Variants in DESI2 observed in about 807,000 individuals in gnomAD.
DESI2 encodes the protein desumoylating isopeptidase 2.
In DESI2, 10 loss-of-function variants were observed where a neutral mutation model predicts 24.1. That is an observed-to-expected ratio of 0.41 (90% confidence interval 0.26 to 0.70). DESI2 has a LOEUF of 0.70. DESI2 is among the 30% of genes least tolerant of loss of function. The pLI is 0.29. For synonymous variants in DESI2, 71 were observed against 87.7 expected (o/e 0.81, Z 1.06); for missense variants, 122 against 234.9 (o/e 0.52, Z 3.14).
chr1:244,692,684 C>T (rs1677072941), intron 4 of DESI2, among the ~76,000 whole-genome samples: 1 of 152,194 alleles, frequency 6.6e-6, no homozygotes, highest in Non-Finnish European at 1.5e-5. Context: ...GCTGCTGCTT[C>T]AGTGGCCTCC....
In DESI2 at chr1:244,653,282, T is replaced by C; in HGVS notation, c.-32T>C. The C allele has an allele frequency of 2.0e-6, 3 of 1,484,936 alleles. No individual in the cohort carries two copies. The highest frequency in any genetic ancestry group is 1.4e-5 in the South Asian group (1 of 73,042). 92.0% of individuals were successfully genotyped at this position (1,484,936 alleles called of 1,614,324 possible). A position where few individuals can be genotyped will look rare whatever the true frequency, so the allele number is the denominator to read the frequency against. On this transcript the variant is annotated 5_prime_UTR_variant, in exon 1 of 5. Transcript: ENST00000302550. The stretch of plus-strand genomic sequence containing the variant: ...TCCGGCCCCGCGGAGACGGAGCGGC[T>C]TGAGGACGAGGCGGCGGCCGCGGGG...
At chr1:244,693,541 C>G (rs906073717) in intron 4 of DESI2, among the ~76,000 whole-genome samples, 1 of 152,128 alleles carries the variant, frequency 6.6e-6, no homozygotes, top group African/African-American at 2.4e-5. Flanking sequence ...AAGCGATTCT[C>G]CTGCCTCAGC....
chr1:244,666,666 TG>T (rs1181826686), intron 1 of DESI2, among the ~76,000 whole-genome samples: 1 of 152,218 alleles, frequency 6.6e-6, no homozygotes, highest in Non-Finnish European at 1.5e-5. Flanking sequence ...CTTTTATCTG[TG>T]GGTATCAAAC....
intron 4 of DESI2, among the ~76,000 whole-genome samples, chr1:244,702,516 AAAAT>A (rs373155154): frequency 0.017 from 2,538 of 152,176 alleles, 24 homozygotes; most frequent in African/African-American, 0.022. Flanking sequence ...TCCATCTCAA[AAAAT>A]AAATAAATAA....
chr1:244,696,956 A>G (rs531945908), intron 4 of DESI2, among the ~76,000 whole-genome samples: 8 of 152,288 alleles, frequency 5.3e-5, no homozygotes, highest in South Asian at 4.1e-4. Context: ...CCTGGTAGAC[A>G]TTTCATATAT....
chr1:244,672,146 C>T (rs1676268945), intron 1 of DESI2, among the ~76,000 whole-genome samples: 1 of 151,958 alleles, frequency 6.6e-6, no homozygotes, highest in Non-Finnish European at 1.5e-5. Flanking sequence ...TCAGCCTGGG[C>T]AACATAGCAA....
rs987492258 is a variant in DESI2, at chr1:244,653,193, G to T, written c.-121G>T. 6.8e-6 allele frequency: 7 copies of T among 1,036,972 alleles called. 1 individual carries two copies. The highest frequency in any genetic ancestry group is 7.7e-6 in the Non-Finnish European group (6 of 776,808). 64.2% of individuals were successfully genotyped at this position (1,036,972 alleles called of 1,614,324 possible). On this transcript the variant is annotated 5_prime_UTR_variant, in exon 1 of 5. Coordinates refer to ENST00000302550, the MANE Select transcript of DESI2 (RefSeq NM_016076.5). ...GATGCTTCCGCCCCGGCTGCCGCGG[G>T]CCGGGCTGTACGCTTAGTGCCCGGC...
chr1:244,674,708 GAA>G (rs1186454891), intron 1 of DESI2, among the ~76,000 whole-genome samples: 12 of 152,242 alleles, frequency 7.9e-5, no homozygotes, highest in Admixed American at 7.2e-4. Flanking sequence ...TTTTTACTGA[GAA>G]ATCATATTGC....
chr1:244,682,638 G>T (rs1676659137), intron 1 of DESI2, among the ~76,000 whole-genome samples: 1 of 152,036 alleles, frequency 6.6e-6, no homozygotes, highest in Non-Finnish European at 1.5e-5. Flanking sequence ...TAAATAACCA[G>T]ATAGTAAATA....
intron 4 of DESI2, among the ~76,000 whole-genome samples, chr1:244,693,589 G>A (rs1373703377): frequency 2.6e-5 from 4 of 152,178 alleles, no homozygotes; most frequent in Admixed American, 6.5e-5. Flanking sequence ...CCGCCACCAC[G>A]CCTGGCTAAT....
At chr1:244,704,254 T>C (rs1213719659) in intron 4 of DESI2, among the ~76,000 whole-genome samples, 2 of 152,212 alleles carry the variant, frequency 1.3e-5, no homozygotes, top group East Asian at 1.9e-4. Flanking sequence ...ACCTAAGATA[T>C]GCAAATATCT....
chr1:244,691,994 A>T lies in DESI2; in HGVS notation c.325A>T (p.Asn109Tyr), dbSNP rs1677046031. 6.3e-7 allele frequency: 1 copy of T among 1,590,690 alleles called. No homozygotes were observed. The highest frequency in any genetic ancestry group is 1.4e-5 in the African/African-American group (1 of 73,642). ...TTATCATTTAATGCATAAAAACTGCAATCATTTTTCTTCAGCTTTATCAGA... is the reference window on the plus strand; with the variant it reads ...TTATCATTTAATGCATAAAAACTGCTATCATTTTTCTTCAGCTTTATCAGA... Reference protein sequence around the residue: ...NAYHLMHKNCNHFSSALSEIL... With the variant: ...NAYHLMHKNCYHFSSALSEIL... Residue 109 changes from asparagine to tyrosine, a missense_variant, in exon 4 of 5, where the codon AAT becomes TAT. This residue lies in a region of DESI2 where 0 missense variants were observed against 22.6 expected (regional missense o/e 0.00). Transcript: ENST00000302550.
intron 1 of DESI2, among the ~76,000 whole-genome samples, chr1:244,656,818 A>G (rs1319523947): frequency 6.6e-6 from 1 of 152,212 alleles, no homozygotes; most frequent in Admixed American, 6.5e-5. Context: ...TCTGTCACCC[A>G]GGCTGGAGTG....
chr1:244,703,467 T>A (rs1677560321), intron 4 of DESI2, among the ~76,000 whole-genome samples: 1 of 152,078 alleles, frequency 6.6e-6, no homozygotes, highest in Admixed American at 6.5e-5. Flanking sequence ...GCAATCCCCC[T>A]GCCCTAGCCT....
rs1487648188 is a variant in DESI2 at position 244,708,138 on chromosome 1, A to C, written c.*2349A>C. The C allele has an allele frequency of 6.6e-6, 1 of 152,226 alleles. No homozygotes were observed. Among genetic ancestry groups the C allele is most frequent in the Non-Finnish European group, 1.5e-5 (1 of 68,042 alleles). 9.4% of individuals were successfully genotyped at this position (152,226 alleles called of 1,614,324 possible). On this transcript the variant is annotated 3_prime_UTR_variant, in exon 5 of 5. Coordinates refer to ENST00000302550, the MANE Select transcript of DESI2 (RefSeq NM_016076.5). ...GAGAAAAAGAATCATTCTCAACCTG[A>C]TAATCTGTTAAGAAAAATCCCATAT...
At chr1:244,701,940 C>G (rs938983310) in intron 4 of DESI2, among the ~76,000 whole-genome samples, 2 of 152,132 alleles carry the variant, frequency 1.3e-5, no homozygotes, top group Non-Finnish European at 2.9e-5. Context: ...GTACATACAT[C>G]TTTTTATTTT....
intron 2 of DESI2, among the ~76,000 whole-genome samples, chr1:244,688,994 C>G (rs568538503): frequency 1.3e-5 from 2 of 152,214 alleles, no homozygotes; most frequent in African/African-American, 2.4e-5. Flanking sequence ...GTTGATCACT[C>G]TCTTCCTGCC....
At chr1:244,664,154 T>C (rs1261385108) in intron 1 of DESI2, among the ~76,000 whole-genome samples, 1 of 152,064 alleles carries the variant, frequency 6.6e-6, no homozygotes, top group Non-Finnish European at 1.5e-5. Context: ...ACAGGGCCAG[T>C]GTCCAGAATT....
chr1:244,698,055 G>A (rs534785030), intron 4 of DESI2, among the ~76,000 whole-genome samples: 3 of 152,342 alleles, frequency 2.0e-5, no homozygotes, highest in African/African-American at 7.2e-5. Flanking sequence ...CCGGGCCAGG[G>A]TGGGGTAGCG....
Sources: allele counts gnomAD v4.1 joint callset (sites outside exome capture counted in the v4.1 genomes callset), GRCh38; gene constraint gnomAD v4.1.1; regional missense constraint gnomAD v4.1.1; transcripts MANE v1.5; gene names NCBI Gene and HGNC (gene_info 2026-07-23, HGNC 2026-07-21).